Variants in DIPK1A observed in about 807,000 individuals in gnomAD.
DIPK1A encodes divergent protein kinase domain 1A, also known as family with sequence similarity 69 member A.
DIPK1A carries 27 observed loss-of-function variants against 40.8 expected under a neutral mutation model. The ratio of observed to expected loss-of-function variants is 0.66; its 90% CI spans 0.49 to 0.91. The LOEUF (loss-of-function observed/expected upper bound fraction) is 0.91. Among genes scored for constraint, DIPK1A ranks in the 40% least tolerant of loss-of-function variants. The probability of loss-of-function intolerance (pLI) is 0.00; values close to 1 mark genes in which losing one functional copy is unlikely to be tolerated. For synonymous variants in DIPK1A, 166 were observed against 171.3 expected (o/e 0.97, Z 0.24); for missense variants, 412 against 505.7 (o/e 0.81, Z 1.78).
intron 1 of DIPK1A, among the ~76,000 whole-genome samples, chr1:92,893,262 G>C (rs968232800): frequency 6.0e-5 from 9 of 150,980 alleles, no homozygotes; most frequent in African/African-American, 2.0e-4. Context: ...GAAAGGTCAG[G>C]TTACCCACAA....
intron 1 of DIPK1A, among the ~76,000 whole-genome samples, chr1:92,926,457 T>C (rs1292016458): frequency 2.0e-5 from 3 of 152,350 alleles, no homozygotes; most frequent in East Asian, 3.9e-4. Flanking sequence ...AAAAGTTCCA[T>C]GGTACCTAAA....
chr1:92,905,356 G>A (rs1487649566), intron 1 of DIPK1A, among the ~76,000 whole-genome samples: 1 of 151,930 alleles, frequency 6.6e-6, no homozygotes, highest in Non-Finnish European at 1.5e-5. Flanking sequence ...TTTAACTAGA[G>A]TGAGATACAT....
intron 1 of DIPK1A, among the ~76,000 whole-genome samples, chr1:92,879,997 C>G (rs1648298005): frequency 6.6e-6 from 1 of 152,174 alleles, no homozygotes; most frequent in African/African-American, 2.4e-5. Context: ...TACACTATGG[C>G]AGTGATTCTC....
chr1:92,943,629 G>A (rs536811610), intron 1 of DIPK1A, among the ~76,000 whole-genome samples: 1 of 152,258 alleles, frequency 6.6e-6, no homozygotes, highest in African/African-American at 2.4e-5. Flanking sequence ...GTGTGGGTAT[G>A]TATAGTCCAA....
At chr1:92,950,398 T>TC (rs1571151666) in intron 1 of DIPK1A, among the ~76,000 whole-genome samples, 2 of 152,262 alleles carry the variant, frequency 1.3e-5, no homozygotes, top group East Asian at 3.9e-4. Context: ...TGCTCAGAAC[T>TC]CTGCATAGAC....
intron 2 of DIPK1A, among the ~76,000 whole-genome samples, chr1:92,851,281 C>T (rs1490561856): frequency 2.0e-5 from 3 of 152,022 alleles, no homozygotes; most frequent in African/African-American, 4.8e-5. Flanking sequence ...CCGTGGCTCA[C>T]GCTTGTAATC....
intron 2 of DIPK1A, among the ~76,000 whole-genome samples, chr1:92,854,138 C>T (rs1687911182): frequency 6.6e-6 from 1 of 152,158 alleles, no homozygotes; most frequent in African/African-American, 2.4e-5. Flanking sequence ...CTTCCCACCT[C>T]AGCCTCCCAA....
At chr1:92,916,379 G>T (rs1391986401) in intron 1 of DIPK1A, among the ~76,000 whole-genome samples, 1 of 147,740 alleles carries the variant, frequency 6.8e-6, no homozygotes, top group East Asian at 2.0e-4. Flanking sequence ...TAGGCTCACT[G>T]CAACTTCCAC....
At chr1:92,959,943 G>A (rs4847387) in intron 1 of DIPK1A, among the ~76,000 whole-genome samples, 110,965 of 112,822 alleles carry the variant, frequency 0.98, 54,586 homozygotes, top group East Asian at 1. Flanking sequence ...TTTAGTAGAG[G>A]CGGGGTTTCA....
Position 92,900,953 on chromosome 1 carries a change from A to G in DIPK1A, c.55-24523T>C, listed in dbSNP as rs1649389420. Among the ~76,000 whole-genome samples the G allele has an allele frequency of 2.6e-5, 4 of 152,014 alleles. No individual in the cohort carries two copies. The South Asian group carries it at 8.3e-4, about 32-fold the overall frequency. Reference sequence around the variant, plus strand: ...CAACTGCCTCTTGAAAACTTTCTAAAGTGGTTTTCATAGAGAAAAACTTTC... The same window carrying G: ...CAACTGCCTCTTGAAAACTTTCTAAGGTGGTTTTCATAGAGAAAAACTTTC... On this transcript the variant is annotated intron_variant, in intron 1 of 4. Transcript: ENST00000370310.
chr1:92,869,243 C>G (rs1421383831), intron 2 of DIPK1A, among the ~76,000 whole-genome samples: 1 of 151,878 alleles, frequency 6.6e-6, no homozygotes, highest in Non-Finnish European at 1.5e-5. Context: ...CTCACTGCAG[C>G]CTCGACCCCT....
intron 1 of DIPK1A, among the ~76,000 whole-genome samples, chr1:92,893,283 A>G (rs1240883296): frequency 6.6e-6 from 1 of 151,596 alleles, no homozygotes; most frequent in African/African-American, 2.4e-5. Context: ...AGGGAAGCCC[A>G]TCAGACTAAC....
At chr1:92,872,193 C>T (rs1409102644) in intron 2 of DIPK1A, among the ~76,000 whole-genome samples, 2 of 143,090 alleles carry the variant, frequency 1.4e-5, no homozygotes, top group African/African-American at 5.1e-5. Context: ...GATTCTTGTG[C>T]CTCAGCCTTC....
intron 1 of DIPK1A, among the ~76,000 whole-genome samples, chr1:92,903,394 C>T (rs1453671880): frequency 6.6e-6 from 1 of 152,192 alleles, no homozygotes; most frequent in Non-Finnish European, 1.5e-5. Flanking sequence ...GCATTCACTG[C>T]ATTTTACCTT....
intron 1 of DIPK1A, among the ~76,000 whole-genome samples, chr1:92,893,045 C>T (rs534292764): frequency 3.4e-4 from 52 of 152,086 alleles, no homozygotes; most frequent in Non-Finnish European, 5.7e-4. Context: ...CTGAAAGTGA[C>T]GGGGAGAATG....
chr1:92,945,977 C>T (rs892824506), intron 1 of DIPK1A, among the ~76,000 whole-genome samples: 5 of 152,008 alleles, frequency 3.3e-5, no homozygotes, highest in African/African-American at 1.2e-4. Flanking sequence ...TTAATAGAAA[C>T]GTCAAAAAGC....
intron 2 of DIPK1A, among the ~76,000 whole-genome samples, chr1:92,872,404 A>G (rs542373825): frequency 6.6e-6 from 1 of 151,898 alleles, no homozygotes; most frequent in African/African-American, 2.4e-5. Context: ...TATATATTAC[A>G]ATTCTCTGTT....
chr1:92,946,708 T>G (rs557714573), intron 1 of DIPK1A, among the ~76,000 whole-genome samples: 1 of 152,276 alleles, frequency 6.6e-6, no homozygotes, highest in African/African-American at 2.4e-5. Flanking sequence ...CTTTGGGGGC[T>G]GAGGCAGGCA....
chr1:92,931,708 T>C (rs1650756004), intron 1 of DIPK1A: 1 of 163,156 alleles, frequency 6.1e-6, no homozygotes, highest in African/African-American at 2.4e-5. Context: ...CTAATTATTA[T>C]CAGTCTTTTC....
Sources: gnomAD v4.1 joint callset for allele counts (sites outside exome capture counted in the v4.1 genomes callset) on GRCh38, gnomAD v4.1.1 for gene constraint, MANE v1.5 for transcripts, NCBI Gene and HGNC (gene_info 2026-07-23, HGNC 2026-07-21) for gene names.